The following EEFSEC variants were observed in gnomAD, a reference collection of about 807,000 sequenced individuals.
The protein encoded by EEFSEC is selenocysteine-specific elongation factor.
Under a neutral mutation model 42.1 loss-of-function variants are expected in EEFSEC, and 43 were observed. The observed-to-expected ratio is 1.02, with a 90% confidence interval of 0.80 to 1.32. EEFSEC has a LOEUF of 1.32. Among genes scored for constraint, EEFSEC ranks in the 40% most tolerant of loss-of-function variants. The pLI is 0.00. For missense variants in EEFSEC, 745 were observed against 803.6 expected (o/e 0.93, Z 0.88); for synonymous variants, 354 against 339.1 (o/e 1.04, Z -0.48).
Position 128,317,791 on chromosome 3 carries a change from C to G in EEFSEC, c.787-23442C>G, listed in dbSNP as rs2066963814. On this transcript the variant is annotated intron_variant, in intron 4 of 6. Coordinates refer to ENST00000254730, the MANE Select transcript of EEFSEC (RefSeq NM_021937.5). The surrounding 1 kb of genome is among the most constrained non-coding windows in gnomAD (Gnocchi z 4.1). ...CTCTGCAGGCCTCAGGGCCTTTGCCCCCTTCAGCCTTCTGCTCCAGCTGCT... is the reference window on the plus strand; with the variant it reads ...CTCTGCAGGCCTCAGGGCCTTTGCCGCCTTCAGCCTTCTGCTCCAGCTGCT... Among the ~76,000 whole-genome samples the G allele has an allele frequency of 6.6e-6, 1 of 152,242 alleles. No homozygotes were observed. The highest frequency in any genetic ancestry group is 1.5e-5 in the Non-Finnish European group (1 of 68,032).
At chr3:128,174,496 A>G (rs1419964764) in intron 1 of EEFSEC, among the ~76,000 whole-genome samples, 1 of 152,212 alleles carries the variant, frequency 6.6e-6, no homozygotes, top group African/African-American at 2.4e-5. Context: ...TGGAAAACGC[A>G]GAGGAGGTTT....
intron 4 of EEFSEC, among the ~76,000 whole-genome samples, chr3:128,309,510 C>G (rs1442170779): frequency 6.6e-6 from 1 of 152,142 alleles, no homozygotes; most frequent in Non-Finnish European, 1.5e-5. Flanking sequence ...TGAGTAGGAC[C>G]TAAGCCTTTA....
intron 1 of EEFSEC, among the ~76,000 whole-genome samples, chr3:128,155,643 G>C (rs543317844): frequency 6.6e-6 from 1 of 152,120 alleles, no homozygotes; most frequent in Non-Finnish European, 1.5e-5. Context: ...GCAATATTCT[G>C]TATGCCACAC....
At chr3:128,342,948 C>T (rs912624623) in intron 5 of EEFSEC, among the ~76,000 whole-genome samples, 1 of 152,212 alleles carries the variant, frequency 6.6e-6, no homozygotes, top group African/African-American at 2.4e-5. Context: ...AGAAGGCTAG[C>T]TCCCTGGCTG....
intron 1 of EEFSEC, among the ~76,000 whole-genome samples, chr3:128,191,413 G>A (rs555397257): frequency 1.3e-5 from 2 of 151,708 alleles, no homozygotes; most frequent in Non-Finnish European, 2.9e-5. Context: ...AGCCTCTTGA[G>A]TAGCTTAGAC....
In EEFSEC at chr3:128,153,562, G is replaced by A. The variant is rs567446865; in HGVS notation, c.55G>A (p.Gly19Ser). 2 of 1,535,720 alleles carry A rather than the reference G, an allele frequency of 1.3e-6. No homozygotes were observed. The change falls in exon 1 of 7, where the codon GGC becomes AGC. Residue 19 changes from glycine (G) to serine (S), a missense_variant. Coordinates refer to ENST00000254730, the MANE Select transcript of EEFSEC (RefSeq NM_021937.5). ...GGGCGTGCTGGGCCACATCGACAGC[G>A]GCAAGACGGCGCTGGCGCGGGCGCT... Reference protein sequence around the residue: ...NVGVLGHIDSGKTALARALST... With the variant: ...NVGVLGHIDSSKTALARALST...
intron 1 of EEFSEC, among the ~76,000 whole-genome samples, chr3:128,220,410 G>A (rs1448396723): frequency 2.0e-5 from 3 of 152,172 alleles, no homozygotes; most frequent in East Asian, 3.8e-4. Context: ...CCCAGCACAC[G>A]TAGAGACCAT....
chr3:128,302,124 A>G (rs1038302194), intron 4 of EEFSEC, among the ~76,000 whole-genome samples: 1 of 152,196 alleles, frequency 6.6e-6, no homozygotes. Context: ...TATAATGATA[A>G]CTTTCTTGGC....
intron 4 of EEFSEC, among the ~76,000 whole-genome samples, chr3:128,288,066 C>T (rs1172519388): frequency 6.6e-6 from 1 of 151,948 alleles, no homozygotes; most frequent in Non-Finnish European, 1.5e-5. Context: ...ACAGGTACGC[C>T]ATCATTCATT....
At chr3:128,226,232 G>A (rs946630868) in intron 1 of EEFSEC, among the ~76,000 whole-genome samples, 1 of 152,198 alleles carries the variant, frequency 6.6e-6, no homozygotes, top group Non-Finnish European at 1.5e-5. Context: ...CATGCCGTAA[G>A]CCACATAAAG....
intron 6 of EEFSEC, among the ~76,000 whole-genome samples, chr3:128,401,409 C>T (rs2068046856): frequency 6.6e-6 from 1 of 152,240 alleles, no homozygotes; most frequent in Non-Finnish European, 1.5e-5. Flanking sequence ...GAGGTGCCCC[C>T]TCACAGGCCA....
intron 1 of EEFSEC, among the ~76,000 whole-genome samples, chr3:128,161,668 G>A (rs2065189027): frequency 6.6e-6 from 1 of 152,184 alleles, no homozygotes; most frequent in Non-Finnish European, 1.5e-5. Flanking sequence ...AAACTTAAGC[G>A]ACTTTGCCTT....
chr3:128,161,483 A>G (rs1205157314), intron 1 of EEFSEC, among the ~76,000 whole-genome samples: 1 of 152,016 alleles, frequency 6.6e-6, no homozygotes, highest in Non-Finnish European at 1.5e-5. Context: ...TGTACACACT[A>G]TTTTAGCGGT....
chr3:128,301,857 G>A (rs1004257454), intron 4 of EEFSEC, among the ~76,000 whole-genome samples: 1 of 152,082 alleles, frequency 6.6e-6, no homozygotes, highest in African/African-American at 2.4e-5. Flanking sequence ...AACTCCCATG[G>A]GGGGCAGGAA....
the EEFSEC span, among the ~76,000 whole-genome samples, chr3:128,414,672 A>G: frequency 1.3e-5 from 2 of 152,204 alleles, no homozygotes; most frequent in South Asian, 4.1e-4. Context: ...TAACGTCACT[A>G]CTAACGTCAA....
Position 128,325,598 on chromosome 3 carries a change from G to A in EEFSEC, c.787-15635G>A, listed in dbSNP as rs2108046214. Among the ~76,000 whole-genome samples, 4 of 152,272 alleles carry A rather than the reference G, an allele frequency of 2.6e-5. No individual in the cohort carries two copies. In the South Asian group the frequency reaches 8.3e-4, roughly 32 times the overall value. Reference sequence around the variant, plus strand: ...ACAACACCGAGCTACAACCTGGTGGGATGGTCTTTCTCTTTTAGTTTAGGT... The same window carrying A: ...ACAACACCGAGCTACAACCTGGTGGAATGGTCTTTCTCTTTTAGTTTAGGT... On this transcript the variant is annotated intron_variant, in intron 4 of 6. Transcript: ENST00000254730.
chr3:128,238,677 CG>C (rs1407933084), intron 1 of EEFSEC, among the ~76,000 whole-genome samples: 6 of 152,128 alleles, frequency 3.9e-5, no homozygotes, highest in African/African-American at 1.2e-4. Context: ...TTAGTAGAGA[CG>C]GGGTTTCATC....
chr3:128,228,154 A>G (rs887041340), intron 1 of EEFSEC, among the ~76,000 whole-genome samples: 1 of 152,172 alleles, frequency 6.6e-6, no homozygotes, highest in Non-Finnish European at 1.5e-5. Context: ...TTGAGCACCT[A>G]TTCTCTGCTG....
intron 4 of EEFSEC, among the ~76,000 whole-genome samples, chr3:128,332,169 C>T (rs2067140885): frequency 1.3e-5 from 2 of 152,170 alleles, no homozygotes; most frequent in East Asian, 1.9e-4. Flanking sequence ...GTTATATACA[C>T]ACACATGTGT....
Sources: allele counts gnomAD v4.1 joint callset (sites outside exome capture counted in the v4.1 genomes callset), GRCh38; gene constraint gnomAD v4.1.1; non-coding constraint Gnocchi (gnomAD v3.1); transcripts MANE v1.5; gene names NCBI Gene and HGNC (gene_info 2026-07-23, HGNC 2026-07-21).